The following IL1RAP variants were observed in gnomAD, a reference collection of about 807,000 sequenced individuals.
The protein encoded by IL1RAP is interleukin 1 receptor accessory protein, also known as interleukin-1 receptor accessory protein.
In IL1RAP, 35 loss-of-function variants were observed where a neutral mutation model predicts 60.7. The observed-to-expected ratio is 0.58, with a 90% confidence interval of 0.44 to 0.76. IL1RAP has a LOEUF of 0.76. Ranked by LOEUF, IL1RAP falls within the 30% of genes least tolerant of loss-of-function variation. The probability of loss-of-function intolerance (pLI) is 0.00; values close to 1 mark genes in which losing one functional copy is unlikely to be tolerated. For synonymous variants in IL1RAP, 268 were observed against 250.9 expected, an observed-to-expected ratio of 1.07 and a Z score of -0.64; for missense variants, 572 against 693.9, an observed-to-expected ratio of 0.82 and a Z score of 1.97.
intron 1 of IL1RAP, among the ~76,000 whole-genome samples, chr3:190,547,698 C>T (rs1425774358): frequency 6.6e-6 from 1 of 152,122 alleles, no homozygotes; most frequent in Non-Finnish European, 1.5e-5. Flanking sequence ...TCCCAGGTGG[C>T]GAAGTGTTGG....
At chr3:190,578,903 C>T (rs554157868) in intron 3 of IL1RAP, among the ~76,000 whole-genome samples, 2 of 152,170 alleles carry the variant, frequency 1.3e-5, no homozygotes, top group African/African-American at 4.8e-5. Flanking sequence ...AAAACCCGCA[C>T]CTGTGATTCA....
At chr3:190,556,574 G>T (rs1444715882) in intron 2 of IL1RAP, among the ~76,000 whole-genome samples, 1 of 152,078 alleles carries the variant, frequency 6.6e-6, no homozygotes, top group Non-Finnish European at 1.5e-5. Context: ...CATCATAGAG[G>T]CTATCACAGT....
At chr3:190,534,593 G>A (rs942907556) in intron 1 of IL1RAP, among the ~76,000 whole-genome samples, 5 of 152,150 alleles carry the variant, frequency 3.3e-5, no homozygotes, top group Non-Finnish European at 5.9e-5. Context: ...CATTGCTTCT[G>A]GGCCCGAGTA....
At chr3:190,636,760 T>A (rs184817409) in intron 9 of IL1RAP, among the ~76,000 whole-genome samples, 128 of 152,280 alleles carry the variant, frequency 8.4e-4, no homozygotes, top group Admixed American at 2.7e-3. Flanking sequence ...TCCAATCTGA[T>A]CATTTCTGGC....
At chr3:190,637,902 A>C (rs927839544) in intron 9 of IL1RAP, among the ~76,000 whole-genome samples, 1 of 152,052 alleles carries the variant, frequency 6.6e-6, no homozygotes, top group Middle Eastern at 3.4e-3. Flanking sequence ...GTATAACTGT[A>C]CCTTCACTCA....
rs1730117904 is a variant in IL1RAP at position 190,604,395 on chromosome 3, A to G, written c.332A>G (p.Asn111Ser). ...FRPTLLNDTG[N>S]YTCMLRNTTY... Reference sequence around the variant, plus strand: ...CCCACTCTCCTCAATGACACTGGCAACTATACCTGCATGTTAAGGTAGCCT... The same window carrying G: ...CCCACTCTCCTCAATGACACTGGCAGCTATACCTGCATGTTAAGGTAGCCT... Residue 111 changes from asparagine to serine, a missense_variant, in exon 4 of 12, where the codon AAC (asparagine) becomes AGC (serine). By Grantham distance (46) the Asn-to-Ser change is conservative (BLOSUM62 1). Coordinates refer to ENST00000447382, the MANE Select transcript of IL1RAP (RefSeq NM_002182.4). 2 of 1,613,424 alleles carry G rather than the reference A, an allele frequency of 1.2e-6. No homozygotes were observed. Among genetic ancestry groups the G allele is most frequent in the Non-Finnish European group, 1.7e-6 (2 of 1,179,922 alleles).
intron 3 of IL1RAP, among the ~76,000 whole-genome samples, chr3:190,588,543 T>G (rs6806222): frequency 0.12 from 17,658 of 152,244 alleles, 1,218 homozygotes; most frequent in African/African-American, 0.2. Flanking sequence ...AATATATACC[T>G]GGACACACAT....
At chr3:190,604,823 A>G (rs571918325) in intron 4 of IL1RAP, among the ~76,000 whole-genome samples, 192 of 152,236 alleles carry the variant, frequency 1.3e-3, no homozygotes, top group Non-Finnish European at 2.4e-3. Context: ...CAGAAGAGAA[A>G]CTCAGGTGCA....
Position 190,648,525 on chromosome 3 carries a change from G to C in IL1RAP, c.1533G>C (p.Val511=). 1 of 1,614,134 alleles carries C rather than the reference G, an allele frequency of 6.2e-7. No homozygotes were observed. Among genetic ancestry groups the C allele is most frequent in the Non-Finnish European group, 8.5e-7 (1 of 1,180,020 alleles). ...ACAAAGCTGTGAAGGAAACGAAGGT[G>C]AAAGAGCTGAAGAGGGCTAAGACGG... is the stretch of plus-strand genomic sequence containing the variant. The part of the protein sequence containing the change: ...VQYKAVKETK[V]KELKRAKTVL... The change falls in exon 12 of 12, where the codon GTG becomes GTC. Residue 511 remains valine, a synonymous_variant. Transcript: ENST00000447382.
intron 3 of IL1RAP, among the ~76,000 whole-genome samples, chr3:190,588,985 A>G (rs970352741): frequency 1.3e-5 from 2 of 152,186 alleles, no homozygotes; most frequent in Non-Finnish European, 2.9e-5. Context: ...AGAGACTTTT[A>G]TCCTGCCTCT....
intron 2 of IL1RAP, among the ~76,000 whole-genome samples, chr3:190,561,308 G>A (rs551425554): frequency 1.8e-4 from 27 of 152,218 alleles, no homozygotes; most frequent in Non-Finnish European, 3.2e-4. Context: ...TCAGCCAGGC[G>A]CCTCCCAATA....
At chr3:190,588,187 C>T (rs932041611) in intron 3 of IL1RAP, among the ~76,000 whole-genome samples, 3 of 152,178 alleles carry the variant, frequency 2.0e-5, no homozygotes, top group Non-Finnish European at 2.9e-5. Flanking sequence ...AATCTCAGCT[C>T]ACTGCAACCT....
At chr3:190,535,672 A>T (rs111780313) in intron 1 of IL1RAP, among the ~76,000 whole-genome samples, 179 of 152,342 alleles carry the variant, frequency 1.2e-3, no homozygotes, top group African/African-American at 4.2e-3. Flanking sequence ...AGCTCAAGTT[A>T]CAGTTTGTAA....
At chr3:190,615,523 G>A (rs911810424) in intron 5 of IL1RAP, among the ~76,000 whole-genome samples, 3 of 152,158 alleles carry the variant, frequency 2.0e-5, no homozygotes, top group East Asian at 1.9e-4. Context: ...TTTTCTCACC[G>A]AGGATCAAAA....
chr3:190,553,264 C>T (rs1450920502), intron 1 of IL1RAP, among the ~76,000 whole-genome samples: 1 of 152,116 alleles, frequency 6.6e-6, no homozygotes, highest in African/African-American at 2.4e-5. Context: ...AACTTAAGAC[C>T]AGCCTCACAA....
At position 190,564,317 on chromosome 3, in the gene IL1RAP, C is replaced by T. The variant is rs750808388; in HGVS notation, c.28C>T (p.Leu10Phe). 1.9e-6 allele frequency: 3 copies of T among 1,612,054 alleles called. No individual in the cohort carries two copies. Among genetic ancestry groups the T allele is most frequent in the Non-Finnish European group, 2.5e-6 (3 of 1,178,320 alleles). The change falls in exon 3 of 12, where the codon CTC becomes TTC. Residue 10 changes from leucine to phenylalanine, a missense_variant. Coordinates refer to ENST00000447382, the MANE Select transcript of IL1RAP (RefSeq NM_002182.4). MTLLWCVVS[L>F]YFYGILQSDA... ...GACACTTCTGTGGTGTGTAGTGAGT[C>T]TCTACTTTTATGGAATCCTGCAAAG...
intron 3 of IL1RAP, among the ~76,000 whole-genome samples, chr3:190,601,961 C>T (rs2108747253): frequency 6.6e-6 from 1 of 152,222 alleles, no homozygotes; most frequent in East Asian, 1.9e-4. Flanking sequence ...CGTCACACAC[C>T]ACACAATCAC....
chr3:190,579,699 A>G (rs1466273891), intron 3 of IL1RAP, among the ~76,000 whole-genome samples: 1 of 152,118 alleles, frequency 6.6e-6, no homozygotes, highest in Non-Finnish European at 1.5e-5. Context: ...CATCACCCCA[A>G]AACGAAGCCC....
At chr3:190,538,216 A>G (rs1723632723) in intron 1 of IL1RAP, among the ~76,000 whole-genome samples, 2 of 152,166 alleles carry the variant, frequency 1.3e-5, no homozygotes, top group African/African-American at 4.8e-5. Context: ...TTCTCAATGT[A>G]TGGTCTAAGG....
Sources: gnomAD v4.1 joint callset for allele counts (sites outside exome capture counted in the v4.1 genomes callset) on GRCh38, gnomAD v4.1.1 for gene constraint, MANE v1.5 for transcripts, NCBI Gene and HGNC (gene_info 2026-07-23, HGNC 2026-07-21) for gene names.